Variants in TMC5 observed in about 807,000 individuals in gnomAD.
TMC5 encodes the protein transmembrane channel-like protein 5.
In TMC5, 86 loss-of-function variants were observed where a neutral mutation model predicts 110.5. The ratio of observed to expected loss-of-function variants is 0.78; its 90% CI spans 0.65 to 0.93. The LOEUF (loss-of-function observed/expected upper bound fraction) is 0.93. TMC5 is among the 40% of genes least tolerant of loss of function. The pLI, the probability that TMC5 is intolerant of heterozygous loss-of-function variation, is 0.00. For synonymous variants in TMC5, 455 were observed against 439.5 expected (o/e 1.04, Z -0.44); for missense variants, 1,144 against 1,222.8 (o/e 0.94, Z 0.96).
At chr16:19,412,785 G>A (rs1966859270) in intron 1 of TMC5, among the ~76,000 whole-genome samples, 1 of 152,180 alleles carries the variant, frequency 6.6e-6, no homozygotes, top group Non-Finnish European at 1.5e-5. Context: ...TACAGGAGTG[G>A]GGGAATGGCA....
At chr16:19,462,453 T>A (rs1244933826) in intron 6 of TMC5, 2 of 696,906 alleles carry the variant, frequency 2.9e-6, no homozygotes, top group African/African-American at 3.5e-5. Flanking sequence ...TACTTGAGAC[T>A]GGGTGATTTA....
intron 1 of TMC5, among the ~76,000 whole-genome samples, chr16:19,422,720 G>A (rs1055373830): frequency 1.3e-5 from 2 of 152,084 alleles, no homozygotes; most frequent in African/African-American, 4.8e-5. Context: ...CAGCACTTTG[G>A]GGGGCCGAGG....
Position 19,497,180 on chromosome 16 carries a change from G to A in TMC5, c.2974+17G>A. On this transcript the variant is annotated intron_variant, in intron 21 of 21. Coordinates refer to ENST00000542583, the MANE Select transcript of TMC5 (RefSeq NM_001261841.2). ...GCAGTCTTGGTGAGTAATTAAACTG[G>A]GACAGAATAAGACACTAATTTATTT... The A allele has an allele frequency of 3.7e-6, 6 of 1,610,320 alleles. No homozygotes were observed. Among genetic ancestry groups the A allele is most frequent in the Non-Finnish European group, 5.1e-6 (6 of 1,176,838 alleles).
Position 19,440,509 on chromosome 16 carries a change from C to T in TMC5, c.471C>T (p.Gly157=). 3 of 1,614,152 alleles carry T rather than the reference C, an allele frequency of 1.9e-6. No homozygotes were observed. Among genetic ancestry groups the T allele is most frequent in the East Asian group, 2.2e-5 (1 of 44,880 alleles). ...AGSRTHPDHF[G]SLEPDYPGAQ... ...CCAGAACACATCCAGATCATTTTGG[C>T]TCCTTAGAACCGGACTACCCTGGAG... The change falls in exon 3 of 22, where the codon GGC becomes GGT. Residue 157 remains glycine, a synonymous_variant. Coordinates refer to ENST00000542583, the MANE Select transcript of TMC5 (RefSeq NM_001261841.2).
intron 1 of TMC5, among the ~76,000 whole-genome samples, chr16:19,418,303 C>A (rs1966902642): frequency 6.6e-6 from 1 of 152,082 alleles, no homozygotes; most frequent in African/African-American, 2.4e-5. Context: ...TGAGAACAAG[C>A]CCTAGGGTTA....
At chr16:19,475,353 C>T (rs1310245904) in intron 12 of TMC5, among the ~76,000 whole-genome samples, 10 of 150,856 alleles carry the variant, frequency 6.6e-5, no homozygotes, top group Admixed American at 4.6e-4. Context: ...ACCTGGGAGG[C>T]GGAGGTTGCA....
At position 19,419,402 on chromosome 16, in the gene TMC5, GT is replaced by G. The variant is rs55696911; in HGVS notation, c.-308+1338del. The stretch of plus-strand genomic sequence containing the variant: ...AAGCTCAGTGGAAATGAATGTGTTG[GT>G]TTTTTTTTTTTTTTTTTTTTTTTTT... On this transcript the variant is annotated intron_variant, in intron 1 of 21. Coordinates refer to ENST00000542583, the MANE Select transcript of TMC5 (RefSeq NM_001261841.2). Among the ~76,000 whole-genome samples the G allele has an allele frequency of 6.7e-3, 440 of 65,596 alleles. 1 individual carries two copies. The highest frequency in any genetic ancestry group is 0.018 in the African/African-American group (309 of 16,954). 43.0% of individuals were successfully genotyped at this position (65,596 alleles called of 152,430 possible). A position where few individuals can be genotyped will look rare whatever the true frequency, so the allele number is the denominator to read the frequency against.
chr16:19,434,327 CTATA>C (rs141505827), intron 2 of TMC5, among the ~76,000 whole-genome samples: 11,180 of 106,308 alleles, frequency 0.11, 1,024 homozygotes, highest in East Asian at 0.15. Context: ...TAATATAGAT[CTATA>C]TATAATATAT....
At chr16:19,490,949 T>C (rs36133167) in intron 18 of TMC5, among the ~76,000 whole-genome samples, 23,138 of 69,740 alleles carry the variant, frequency 0.33, 5,879 homozygotes, top group East Asian at 0.73. Context: ...CTTCCCTTCC[T>C]TTCCCCTTCC....
chr16:19,461,058 C>G (rs1968009631), intron 6 of TMC5, among the ~76,000 whole-genome samples: 1 of 152,092 alleles, frequency 6.6e-6, no homozygotes, highest in South Asian at 2.1e-4. Flanking sequence ...GGACGAGATC[C>G]TGGAATAGAA....
intron 5 of TMC5, among the ~76,000 whole-genome samples, chr16:19,451,425 G>T (rs1457035825): frequency 6.6e-6 from 1 of 152,090 alleles, no homozygotes; most frequent in Non-Finnish European, 1.5e-5. Context: ...CTGTCTATTT[G>T]GTCCCCACTG....
intron 11 of TMC5, among the ~76,000 whole-genome samples, 153 bp downstream of exon 11, chr16:19,472,396 C>A (rs1461648266): frequency 6.6e-6 from 1 of 152,138 alleles, no homozygotes; most frequent in East Asian, 1.9e-4. Context: ...AGGGGTGAGG[C>A]ACAGTGGCTT....
At chr16:19,495,952 G>A (rs1969041541) in intron 20 of TMC5, among the ~76,000 whole-genome samples, 2 of 151,838 alleles carry the variant, frequency 1.3e-5, no homozygotes, top group Non-Finnish European at 2.9e-5. Flanking sequence ...CAGCAAACAT[G>A]GTGAAACCCA....
At chr16:19,484,850 T>C (rs2143717625) in intron 15 of TMC5, among the ~76,000 whole-genome samples, 1 of 150,766 alleles carries the variant, frequency 6.6e-6, no homozygotes, top group Non-Finnish European at 1.5e-5. Flanking sequence ...ATAAGCACCA[T>C]CAAAAACACA....
chr16:19,486,982 C>G lies in TMC5; in HGVS notation c.2401C>G (p.Gln801Glu). The G allele has an allele frequency of 6.2e-7, 1 of 1,614,084 alleles. No homozygotes were observed. ...IFFCPLLPFI[Q>E]MIMLFIMFYS... ...CTTCTGCCCCCTGCTGCCCTTTATC[C>G]AAATGATTATGCTTTTCATCATGTT... The change falls in exon 16 of 22, where the codon CAA becomes GAA. Residue 801 changes from glutamine (Q) to glutamate (E), a missense_variant. Coordinates refer to ENST00000542583, the MANE Select transcript of TMC5 (RefSeq NM_001261841.2).
chr16:19,497,733 T>C (rs1969092764), intron 21 of TMC5, among the ~76,000 whole-genome samples, 187 bp from the exon 22 acceptor site: 1 of 152,072 alleles, frequency 6.6e-6, no homozygotes, highest in Non-Finnish European at 1.5e-5. Flanking sequence ...ACCCATTTAT[T>C]TTTGGGGGAT....
At chr16:19,457,034 A>AAG in intron 5 of TMC5, 1 of 1,586,010 alleles carries the variant, frequency 6.3e-7, no homozygotes, top group Non-Finnish European at 8.6e-7. Flanking sequence ...AATGCTGGGG[A>AAG]AGAGAAGTAG....
chr16:19,440,449 T>G lies in TMC5; in HGVS notation c.411T>G (p.Phe137Leu). Reference sequence around the variant, plus strand: ...CTGGATCTCAACGAAATCCTGATTTTGCAGGCTCCAGCAGCAGTGGAAACT... The same window carrying G: ...CTGGATCTCAACGAAATCCTGATTTGGCAGGCTCCAGCAGCAGTGGAAACT... ...DYPGSQRNPD[F>L]AGSSSSGNYA... Residue 137 changes from phenylalanine to leucine, a missense_variant, in exon 3 of 22, where the codon TTT becomes TTG. Coordinates refer to ENST00000542583, the MANE Select transcript of TMC5 (RefSeq NM_001261841.2). 1 of 1,614,108 alleles carries G rather than the reference T, an allele frequency of 6.2e-7. No homozygotes were observed. The highest frequency in any genetic ancestry group is 1.7e-5 in the Admixed American group (1 of 60,012).
At chr16:19,451,502 G>A (rs966193689) in intron 5 of TMC5, among the ~76,000 whole-genome samples, 5 of 152,066 alleles carry the variant, frequency 3.3e-5, no homozygotes, top group Non-Finnish European at 2.9e-5. Flanking sequence ...GCTCTGTCTT[G>A]CCAGCATGAG....
Sources: gnomAD v4.1 joint callset for allele counts (sites outside exome capture counted in the v4.1 genomes callset) on GRCh38, gnomAD v4.1.1 for gene constraint, MANE v1.5 for transcripts, NCBI Gene and HGNC (gene_info 2026-07-23, HGNC 2026-07-21) for gene names.